The following NTRK3 variants were observed in gnomAD, a reference collection of about 807,000 sequenced individuals.
NTRK3 encodes neurotrophic receptor tyrosine kinase 3.
NTRK3 carries 24 observed loss-of-function variants against 91.7 expected under a neutral mutation model. The ratio of observed to expected loss-of-function variants is 0.26; its 90% CI spans 0.19 to 0.37. The LOEUF is 0.37. NTRK3 is among the 10% of genes least tolerant of loss of function. The pLI is 1.00. For synonymous variants in NTRK3, 483 were observed against 404.0 expected (o/e 1.20, Z -2.34); for missense variants, 880 against 1,068.9 (o/e 0.82, Z 2.46).
chr15:88,101,510 T>C (rs2050170323), intron 13 of NTRK3, among the ~76,000 whole-genome samples: 2 of 152,202 alleles, frequency 1.3e-5, no homozygotes, highest in African/African-American at 4.8e-5. Flanking sequence ...AGCCATCCCA[T>C]TACTGGGTAT....
chr15:87,942,509 G>C (rs761902146), intron 14 of NTRK3, among the ~76,000 whole-genome samples: 1 of 152,146 alleles, frequency 6.6e-6, no homozygotes, highest in East Asian at 1.9e-4. Context: ...TCATTCCCAG[G>C]TGACTAGGGA....
At position 88,060,733 on chromosome 15, in the gene NTRK3, G is replaced by C. The variant is rs184264599; in HGVS notation, c.1397-27688C>G. 1.5e-3 allele frequency among the ~76,000 whole-genome samples: 225 copies of C among 152,324 alleles called. 3 individuals are homozygous for C. The highest frequency in any genetic ancestry group is 5.1e-3 in the African/African-American group (212 of 41,570). ...TGTGCAGAACAGACCATGGGTTGGG[G>C]TAGAAGTGGAAGCAAGAAGCCCCAG... On this transcript the variant is annotated intron_variant, in intron 13 of 18. Transcript: ENST00000394480.
intron 3 of NTRK3, among the ~76,000 whole-genome samples, chr15:88,205,126 A>AT (rs969686674): frequency 3.0e-4 from 46 of 152,022 alleles, no homozygotes; most frequent in African/African-American, 1.1e-3. Context: ...ATAAAAAGTG[A>AT]TTTTCTCCCC....
chr15:87,929,313 C>T (rs2068589835), exon 17 of NTRK3: 3 of 1,614,076 alleles, frequency 1.9e-6, no homozygotes, highest in Non-Finnish European at 1.7e-6. Flanking sequence ...TGCTGGGAGG[C>T]CAGGTACACC....
rs1196077596 is a variant in NTRK3 at position 88,128,039 on chromosome 15, C to T, written c.1228+672G>A. Among the ~76,000 whole-genome samples the T allele has an allele frequency of 5.3e-5, 8 of 152,300 alleles. No homozygotes were observed. In the East Asian group the frequency reaches 1.5e-3, roughly 29 times the overall value. ...CCAGAAAGCCGAGGGTGTTTCTAAA[C>T]AGCACCTATTATCTCAAGCCAGACA... On this transcript the variant is annotated intron_variant, in intron 11 of 18. Transcript: ENST00000394480.
At chr15:88,070,060 T>C (rs2046974197) in intron 13 of NTRK3, among the ~76,000 whole-genome samples, 1 of 152,216 alleles carries the variant, frequency 6.6e-6, no homozygotes, top group African/African-American at 2.4e-5. Flanking sequence ...CCCTTCTTCC[T>C]TCCTGCCAGC....
chr15:87,896,484 A>G (rs552876209), intron 17 of NTRK3, among the ~76,000 whole-genome samples: 17 of 151,736 alleles, frequency 1.1e-4, no homozygotes, highest in Admixed American at 3.9e-4. Context: ...AAAAAAAAAA[A>G]AAAGAAAGAA....
chr15:88,103,118 T>C (rs923636757), intron 13 of NTRK3, among the ~76,000 whole-genome samples: 5 of 152,206 alleles, frequency 3.3e-5, no homozygotes, highest in African/African-American at 1.2e-4. Flanking sequence ...TGGTTAGTTT[T>C]ATGTGTCAAC....
At chr15:88,179,674 G>A (rs1294825250) in intron 5 of NTRK3, among the ~76,000 whole-genome samples, 3 of 152,134 alleles carry the variant, frequency 2.0e-5, no homozygotes, top group Non-Finnish European at 4.4e-5. Flanking sequence ...CAGAAGCTGG[G>A]CTCAGAGGAC....
rs550791048 is a variant in NTRK3 at position 88,125,688 on chromosome 15, C to T, written c.1396+583G>A. Among the ~76,000 whole-genome samples the T allele has an allele frequency of 2.1e-4, 32 of 152,318 alleles. No homozygotes were observed. The South Asian group carries it at 6.2e-3, about 30-fold the overall frequency. On this transcript the variant is annotated intron_variant, in intron 13 of 18. Coordinates refer to ENST00000394480, the Ensembl canonical transcript of NTRK3. ...AGCCTTGGCAAAGAGCCATATCCCA[C>T]CACCCCACCCTGCCACAGTGGAGTG...
chr15:87,901,897 T>C (rs956795380), intron 17 of NTRK3, among the ~76,000 whole-genome samples: 4 of 152,160 alleles, frequency 2.6e-5, no homozygotes, highest in Admixed American at 2.0e-4. Context: ...AAAACCAAAG[T>C]TCTTATTCAC....
chr15:87,931,255 T>C (rs372057192), intron 16 of NTRK3: 22 of 517,412 alleles, frequency 4.3e-5, no homozygotes, highest in African/African-American at 4.0e-4. Flanking sequence ...AAGGATAGGA[T>C]GTGGTGAAAA....
At chr15:88,112,034 G>T (rs1286715779) in intron 13 of NTRK3, among the ~76,000 whole-genome samples, 3 of 152,018 alleles carry the variant, frequency 2.0e-5, no homozygotes, top group African/African-American at 7.2e-5. Context: ...AGCCTCCTGA[G>T]TAGCTGGGAC....
chr15:88,170,706 T>C (rs1406718874), intron 5 of NTRK3, among the ~76,000 whole-genome samples: 1 of 152,152 alleles, frequency 6.6e-6, no homozygotes, highest in Admixed American at 6.5e-5. Context: ...CCTCAGGACG[T>C]AGGCTATGGA....
At chr15:88,208,376 G>A (rs1156803172) in intron 3 of NTRK3, among the ~76,000 whole-genome samples, 2 of 152,106 alleles carry the variant, frequency 1.3e-5, no homozygotes, top group Non-Finnish European at 2.9e-5. Context: ...TCAAAATAGA[G>A]TGGACACAAA....
At chr15:88,046,953 G>A (rs537907105) in intron 13 of NTRK3, among the ~76,000 whole-genome samples, 14 of 152,190 alleles carry the variant, frequency 9.2e-5, no homozygotes, top group East Asian at 3.9e-4. Context: ...TCCCTTGTAC[G>A]GCACGCTTTA....
intron 14 of NTRK3, among the ~76,000 whole-genome samples, chr15:87,944,504 G>C (rs937970760): frequency 2.6e-5 from 4 of 152,222 alleles, no homozygotes; most frequent in African/African-American, 9.7e-5. Context: ...GAGGCAGGGG[G>C]TAACTTGCCA....
intron 3 of NTRK3, among the ~76,000 whole-genome samples, chr15:88,225,123 C>G (rs1471347194): frequency 1.3e-5 from 2 of 152,072 alleles, no homozygotes; most frequent in Non-Finnish European, 2.9e-5. Context: ...GGAGTGTACC[C>G]CTGGGCCAGA....
chr15:88,047,968 A>C (rs998799721), intron 13 of NTRK3, among the ~76,000 whole-genome samples: 2 of 152,234 alleles, frequency 1.3e-5, no homozygotes, highest in African/African-American at 4.8e-5. Flanking sequence ...GAACCACCCT[A>C]GCCAACATGT....
Sources: gnomAD v4.1 joint callset for allele counts (sites outside exome capture counted in the v4.1 genomes callset) on GRCh38, gnomAD v4.1.1 for gene constraint, MANE v1.5 for transcripts, NCBI Gene and HGNC (gene_info 2026-07-23, HGNC 2026-07-21) for gene names.